Variants in CNTNAP2 observed in about 807,000 individuals in gnomAD.
CNTNAP2 encodes the protein contactin-associated protein-like 2.
A neutral mutation model predicts 155.2 loss-of-function variants in CNTNAP2; 98 were observed. That is an observed-to-expected ratio of 0.63 (90% CI 0.54 to 0.75). CNTNAP2 has a LOEUF of 0.75. Ranked by LOEUF, CNTNAP2 falls within the 30% of genes least tolerant of loss-of-function variation. CNTNAP2 has a pLI of 0.00. For synonymous variants in CNTNAP2, 651 were observed against 631.2 expected (o/e 1.03, Z -0.47); for missense variants, 1,727 against 1,688.1 (o/e 1.02, Z -0.40).
chr7:147,942,961 C>T (rs1373166802), intron 14 of CNTNAP2, among the ~76,000 whole-genome samples: 6 of 151,748 alleles, frequency 4.0e-5, no homozygotes, highest in South Asian at 2.1e-4. Context: ...GGCATGAACC[C>T]GGGAGGCGGA....
intron 8 of CNTNAP2, among the ~76,000 whole-genome samples, chr7:147,287,133 C>T (rs977264704): frequency 1.3e-5 from 2 of 152,178 alleles, no homozygotes; most frequent in African/African-American, 4.8e-5. Flanking sequence ...ATAGCACGGG[C>T]AAGTGGGAAT....
At chr7:148,348,863 T>A (rs1280434300) in intron 21 of CNTNAP2, among the ~76,000 whole-genome samples, 1 of 152,222 alleles carries the variant, frequency 6.6e-6, no homozygotes, top group Admixed American at 6.5e-5. Context: ...TGACCTATAT[T>A]AGTAAACAGC....
At chr7:147,408,482 C>T (rs961314418) in intron 10 of CNTNAP2, among the ~76,000 whole-genome samples, 7 of 152,276 alleles carry the variant, frequency 4.6e-5, no homozygotes, top group Admixed American at 3.9e-4. Flanking sequence ...ACCTTGCGGC[C>T]GGGTGTGGTG....
intron 15 of CNTNAP2, among the ~76,000 whole-genome samples, chr7:148,080,920 ATATG>A (rs1035603461): frequency 2.0e-5 from 3 of 152,174 alleles, no homozygotes; most frequent in African/African-American, 7.2e-5. Context: ...TTTCACAAAA[ATATG>A]TATGTGGATG....
At chr7:146,321,910 A>G (rs556371271) in intron 1 of CNTNAP2, among the ~76,000 whole-genome samples, 86 of 152,294 alleles carry the variant, frequency 5.6e-4, no homozygotes, top group African/African-American at 1.7e-3. Flanking sequence ...GCAATTTTAC[A>G]TGAGATCTGA....
At chr7:147,059,581 C>G (rs1799625153) in intron 4 of CNTNAP2, among the ~76,000 whole-genome samples, 1 of 151,918 alleles carries the variant, frequency 6.6e-6, no homozygotes. Flanking sequence ...GTTTGGTTAA[C>G]TAAACAACCA....
At chr7:147,504,818 A>C (rs2116676374) in intron 11 of CNTNAP2, among the ~76,000 whole-genome samples, 1 of 113,208 alleles carries the variant, frequency 8.8e-6, no homozygotes, top group East Asian at 2.1e-4. Context: ...TTTAAAAACT[A>C]TATTCATATA....
chr7:147,716,769 G>A (rs1563063391), intron 13 of CNTNAP2, among the ~76,000 whole-genome samples: 7 of 152,108 alleles, frequency 4.6e-5, no homozygotes, highest in African/African-American at 1.2e-4. Flanking sequence ...AAGTTCTGCC[G>A]AGGACTCTGT....
intron 1 of CNTNAP2, among the ~76,000 whole-genome samples, chr7:146,656,926 C>T (rs1462209309): frequency 1.3e-5 from 2 of 152,080 alleles, no homozygotes; most frequent in Non-Finnish European, 2.9e-5. Context: ...TTAGAAGAAA[C>T]AATTTTTTGT....
At chr7:147,824,049 C>A (rs913911159) in intron 13 of CNTNAP2, among the ~76,000 whole-genome samples, 15 of 152,222 alleles carry the variant, frequency 9.9e-5, no homozygotes, top group Admixed American at 5.9e-4. Context: ...AACCAGTAAA[C>A]CTTTTATTCA....
In CNTNAP2 at chr7:147,744,862, G is replaced by T. The variant is rs558056696; in HGVS notation, c.2098+105556G>T. Among the ~76,000 whole-genome samples, 5 of 152,004 alleles carry T rather than the reference G, an allele frequency of 3.3e-5. No homozygotes were observed. In the South Asian group the frequency reaches 1.0e-3, roughly 32 times the overall value. On this transcript the variant is annotated intron_variant, in intron 13 of 23. Coordinates refer to ENST00000361727, the MANE Select transcript of CNTNAP2 (RefSeq NM_014141.6). The stretch of plus-strand genomic sequence containing the variant: ...ATTTAACTGTAATTGCCTCCTTAAA[G>T]GCCCATCTCCAAATACAGACCTCCA...
chr7:147,211,586 C>T (rs866770597), intron 8 of CNTNAP2, among the ~76,000 whole-genome samples: 13 of 152,056 alleles, frequency 8.5e-5, no homozygotes, highest in South Asian at 2.1e-4. Flanking sequence ...ATTCAACACA[C>T]GGTGCTGGGA....
intron 1 of CNTNAP2, among the ~76,000 whole-genome samples, chr7:146,373,125 C>CTTCTCAGGATCTA (rs1795259138): frequency 6.6e-6 from 1 of 152,138 alleles, no homozygotes; most frequent in Admixed American, 6.5e-5. Context: ...TTGAAAAATC[C>CTTCTCAGGATCTA]TTCTCAGGGC....
At chr7:147,596,149 C>G (rs1213084505) in intron 12 of CNTNAP2, among the ~76,000 whole-genome samples, 2 of 152,062 alleles carry the variant, frequency 1.3e-5, no homozygotes, top group Non-Finnish European at 2.9e-5. Context: ...AACTTTTGAT[C>G]CCTCCACCAG....
chr7:146,967,859 G>A (rs796579151), intron 3 of CNTNAP2, among the ~76,000 whole-genome samples: 6 of 151,708 alleles, frequency 4.0e-5, no homozygotes, highest in South Asian at 4.2e-4. Flanking sequence ...GAATAGGAGT[G>A]GTGAGAGAGG....
chr7:148,046,185 G>A (rs1219287377), intron 15 of CNTNAP2, among the ~76,000 whole-genome samples: 3 of 152,064 alleles, frequency 2.0e-5, no homozygotes, highest in African/African-American at 7.2e-5. Flanking sequence ...GGCTCAAGTA[G>A]TCCTCCCATT....
At chr7:148,192,972 A>C (rs1215370487) in intron 18 of CNTNAP2, among the ~76,000 whole-genome samples, 2 of 152,220 alleles carry the variant, frequency 1.3e-5, no homozygotes, top group African/African-American at 2.4e-5. Flanking sequence ...AAAAATTAAC[A>C]AATAAAAACT....
Position 147,235,281 on chromosome 7 carries a change from C to T in CNTNAP2, c.1349-64860C>T, listed in dbSNP as rs7808381. ...CTCACCTGGAAGATCCTTAGACTTG[C>T]GAGGTTCTGTGATTACCTGAGACAA... On this transcript the variant is annotated intron_variant, in intron 8 of 23. Transcript: ENST00000361727. Among the ~76,000 whole-genome samples, 592 of 151,222 alleles carry T rather than the reference C, an allele frequency of 3.9e-3. 2 individuals carry two copies. The highest frequency in any genetic ancestry group is 0.014 in the African/African-American group (560 of 41,090).
chr7:148,094,501 T>G (rs139366135), intron 15 of CNTNAP2, among the ~76,000 whole-genome samples: 34 of 152,308 alleles, frequency 2.2e-4, no homozygotes, highest in African/African-American at 6.5e-4. Flanking sequence ...GTTAATAGAT[T>G]AGTTAAATCA....
Sources: allele counts gnomAD v4.1 joint callset (sites outside exome capture counted in the v4.1 genomes callset), GRCh38; gene constraint gnomAD v4.1.1; transcripts MANE v1.5; gene names NCBI Gene and HGNC (gene_info 2026-07-23, HGNC 2026-07-21).